The following PPM1E variants were observed in gnomAD, a reference collection of about 807,000 sequenced individuals.
PPM1E encodes protein phosphatase, Mg2+/Mn2+ dependent 1E.
A neutral mutation model predicts 65.9 loss-of-function variants in PPM1E; 20 were observed. The observed-to-expected ratio is 0.30, with a 90% CI of 0.21 to 0.44. PPM1E has a LOEUF of 0.44. PPM1E is among the 20% of genes least tolerant of loss of function. The probability of loss-of-function intolerance (pLI) is 1.00; values close to 1 mark genes in which losing one functional copy is unlikely to be tolerated. For missense variants in PPM1E, 713 were observed against 953.1 expected, an observed-to-expected ratio of 0.75 and a Z score of 3.32; for synonymous variants, 352 against 374.9, an observed-to-expected ratio of 0.94 and a Z score of 0.70.
At chr17:58,761,658 GT>G (rs1386317415) in intron 1 of PPM1E, among the ~76,000 whole-genome samples, 5 of 152,028 alleles carry the variant, frequency 3.3e-5, no homozygotes, top group Admixed American at 2.6e-4. Context: ...TTTCTTACCC[GT>G]TTTTTAGTTC....
rs181871012 is a variant in PPM1E, at chr17:58,799,347, A to C, written c.464+42886A>C. On this transcript the variant is annotated intron_variant, in intron 1 of 6. Coordinates refer to ENST00000308249, the MANE Select transcript of PPM1E (RefSeq NM_014906.5). ...CAGGCTGGAGTGCAGTGGCGCCGTC[A>C]GGGCTCACTGCAACCTCCACCTCCA... 8.5e-3 allele frequency among the ~76,000 whole-genome samples: 1,194 copies of C among 139,970 alleles called. 59 individuals are homozygous for C. Among genetic ancestry groups the C allele is most frequent in the Admixed American group, 0.078 (1,112 of 14,324 alleles). The allele number at this position is 139,970 out of a possible 152,430, so 91.8% of individuals were successfully genotyped here.
intron 6 of PPM1E, among the ~76,000 whole-genome samples, chr17:58,977,258 C>G (rs548887246): frequency 6.6e-6 from 1 of 152,136 alleles, no homozygotes; most frequent in African/African-American, 2.4e-5. Flanking sequence ...GCCTGACCAA[C>G]ATGGTGAAAC....
intron 1 of PPM1E, among the ~76,000 whole-genome samples, chr17:58,844,984 T>C (rs763199323): frequency 7.2e-5 from 11 of 152,348 alleles, no homozygotes; most frequent in Middle Eastern, 3.4e-3. Context: ...CATTAGATAA[T>C]GGCACTGGCT....
chr17:58,925,606 A>G (rs1408920619), intron 1 of PPM1E, among the ~76,000 whole-genome samples: 1 of 151,468 alleles, frequency 6.6e-6, no homozygotes, highest in Non-Finnish European at 1.5e-5. Flanking sequence ...ATGCCCAGCT[A>G]ATTTTTTGTA....
At chr17:58,803,905 A>T (rs540749095) in intron 1 of PPM1E, among the ~76,000 whole-genome samples, 3 of 152,160 alleles carry the variant, frequency 2.0e-5, no homozygotes, top group African/African-American at 7.2e-5. Context: ...AAAATATGTA[A>T]TCCAAATATT....
intron 1 of PPM1E, among the ~76,000 whole-genome samples, chr17:58,833,355 C>T (rs1008968472): frequency 1.8e-4 from 26 of 148,332 alleles, no homozygotes; most frequent in African/African-American, 6.5e-4. Context: ...CCTTTTGAAA[C>T]CCAGTAGTTT....
intron 1 of PPM1E, among the ~76,000 whole-genome samples, chr17:58,778,099 ATT>A (rs906103779): frequency 7.4e-5 from 11 of 149,198 alleles, no homozygotes; most frequent in Admixed American, 7.4e-4. Context: ...ACACACAGCT[ATT>A]TTTTTTTTAT....
At chr17:58,903,004 A>T (rs1478814669) in intron 1 of PPM1E, among the ~76,000 whole-genome samples, 2 of 152,200 alleles carry the variant, frequency 1.3e-5, no homozygotes, top group Non-Finnish European at 2.9e-5. Flanking sequence ...CATAGAAAAG[A>T]ATATGTCTTT....
chr17:58,874,014 C>T (rs997411336), intron 1 of PPM1E, among the ~76,000 whole-genome samples: 7 of 152,056 alleles, frequency 4.6e-5, no homozygotes, highest in African/African-American at 1.7e-4. Flanking sequence ...GGAAGTCAGC[C>T]AACATCGCTT....
chr17:58,809,056 G>A (rs749379065), intron 1 of PPM1E, among the ~76,000 whole-genome samples: 58 of 152,080 alleles, frequency 3.8e-4, no homozygotes, highest in Middle Eastern at 6.8e-3. Flanking sequence ...TTAAATTGAA[G>A]TATAATTTTA....
chr17:58,834,412 T>A (rs549434908), intron 1 of PPM1E, among the ~76,000 whole-genome samples: 2 of 152,308 alleles, frequency 1.3e-5, no homozygotes, highest in South Asian at 2.1e-4. Flanking sequence ...GAAGTCTAAT[T>A]TATTAATTTT....
chr17:58,942,723 T>C (rs564423089), intron 1 of PPM1E, among the ~76,000 whole-genome samples: 1 of 152,066 alleles, frequency 6.6e-6, no homozygotes, highest in Non-Finnish European at 1.5e-5. Flanking sequence ...TACCTAATGC[T>C]AGATGACAAG....
At chr17:58,802,029 A>G (rs1438929664) in intron 1 of PPM1E, among the ~76,000 whole-genome samples, 1 of 152,104 alleles carries the variant, frequency 6.6e-6, no homozygotes, top group Non-Finnish European at 1.5e-5. Flanking sequence ...AAGTCCTGGA[A>G]TTACAGGCGT....
intron 1 of PPM1E, among the ~76,000 whole-genome samples, chr17:58,932,367 G>A (rs2051912698): frequency 6.6e-6 from 1 of 152,112 alleles, no homozygotes; most frequent in African/African-American, 2.4e-5. Context: ...TACTCAGGAG[G>A]CTGAGGCAGG....
chr17:58,796,388 G>A (rs1412984329), intron 1 of PPM1E, among the ~76,000 whole-genome samples: 1 of 151,920 alleles, frequency 6.6e-6, no homozygotes, highest in African/African-American at 2.4e-5. Context: ...TAGAGACAGG[G>A]GCTCACTCAG....
chr17:58,864,170 G>A (rs1598616671), intron 1 of PPM1E, among the ~76,000 whole-genome samples: 2 of 151,760 alleles, frequency 1.3e-5, no homozygotes, highest in African/African-American at 2.4e-5. Flanking sequence ...AATTCTCTTT[G>A]TTTCCATACC....
intron 1 of PPM1E, among the ~76,000 whole-genome samples, chr17:58,809,936 G>A (rs925344053): frequency 6.6e-6 from 1 of 152,118 alleles, no homozygotes; most frequent in Non-Finnish European, 1.5e-5. Context: ...AAAGAAAAAG[G>A]TGAAGTTATC....
At chr17:58,883,444 G>T (rs898245530) in intron 1 of PPM1E, among the ~76,000 whole-genome samples, 5 of 150,056 alleles carry the variant, frequency 3.3e-5, no homozygotes, top group Non-Finnish European at 5.9e-5. Flanking sequence ...TCCAAATACA[G>T]GCTTTCTTTA....
At chr17:58,885,663 G>A (rs1053885743) in intron 1 of PPM1E, among the ~76,000 whole-genome samples, 1 of 152,212 alleles carries the variant, frequency 6.6e-6, no homozygotes, top group African/African-American at 2.4e-5. Context: ...GGTCAGTGGT[G>A]GGGTGGAGTG....
Sources: allele counts gnomAD v4.1 joint callset (sites outside exome capture counted in the v4.1 genomes callset), GRCh38; gene constraint gnomAD v4.1.1; transcripts MANE v1.5; gene names NCBI Gene and HGNC (gene_info 2026-07-23, HGNC 2026-07-21).